RBFOX1: variants seen among roughly 807,000 people sequenced by gnomAD.
RBFOX1 encodes RNA binding fox-1 homolog 1, also known as RNA binding protein fox-1 homolog 1.
In RBFOX1, 8 loss-of-function variants were observed where a neutral mutation model predicts 57.7. The observed-to-expected ratio is 0.14, with a 90% CI of 0.08 to 0.25. The LOEUF (loss-of-function observed/expected upper bound fraction) is 0.25. Among genes scored for constraint, RBFOX1 ranks in the 10% least tolerant of loss-of-function variants. The pLI, the probability that RBFOX1 is intolerant of heterozygous loss-of-function variation, is 1.00. For missense variants in RBFOX1, 611 were observed against 548.5 expected, an observed-to-expected ratio of 1.11 and a Z score of -1.14; for synonymous variants, 326 against 222.4, an observed-to-expected ratio of 1.47 and a Z score of -4.15.
intron 3 of RBFOX1, among the ~76,000 whole-genome samples, chr16:5,706,748 G>C (rs2051263107): frequency 6.6e-6 from 1 of 152,194 alleles, no homozygotes; most frequent in South Asian, 2.1e-4. Flanking sequence ...GTTGATGGTT[G>C]ATTTGTCTCC....
chr16:6,128,535 C>G (rs1376986850), intron 1 of RBFOX1, among the ~76,000 whole-genome samples: 1 of 152,174 alleles, frequency 6.6e-6, no homozygotes, highest in African/African-American at 2.4e-5. Context: ...TGCTGCAAGG[C>G]AGGTAGTTGG....
chr16:7,671,686 G>T (rs2071491585), intron 13 of RBFOX1: 3 of 1,237,624 alleles, frequency 2.4e-6, no homozygotes, highest in Non-Finnish European at 3.6e-6. Flanking sequence ...TTCTGGGGAG[G>T]GGAACAGTTC....
At chr16:7,135,323 G>A (rs967784946) in intron 4 of RBFOX1, among the ~76,000 whole-genome samples, 2 of 152,210 alleles carry the variant, frequency 1.3e-5, no homozygotes, top group Non-Finnish European at 2.9e-5. Context: ...TTGTTTGCAA[G>A]AGGAAATTTG....
At chr16:7,228,754 A>T (rs2093309376) in intron 4 of RBFOX1, among the ~76,000 whole-genome samples, 1 of 152,226 alleles carries the variant, frequency 6.6e-6, no homozygotes. Context: ...CAAGAGGTTA[A>T]GTGAATTTGA....
chr16:5,960,930 A>G (rs1347215350), intron 4 of RBFOX1, among the ~76,000 whole-genome samples: 1 of 152,180 alleles, frequency 6.6e-6, no homozygotes, highest in Non-Finnish European at 1.5e-5. Flanking sequence ...TGGAACCGCA[A>G]TTGTGGTCAA....
chr16:6,285,279 C>A (rs1022318261), intron 1 of RBFOX1, among the ~76,000 whole-genome samples: 2 of 151,980 alleles, frequency 1.3e-5, no homozygotes, highest in Admixed American at 6.6e-5. Flanking sequence ...ATGACAAAGG[C>A]ATTTGATTAG....
chr16:6,444,201 G>A (rs1428329234), intron 2 of RBFOX1, among the ~76,000 whole-genome samples: 2 of 152,066 alleles, frequency 1.3e-5, no homozygotes, highest in African/African-American at 4.8e-5. Flanking sequence ...CACTGGGCAG[G>A]TTGTAAATAC....
intron 4 of RBFOX1, among the ~76,000 whole-genome samples, chr16:7,221,749 A>G (rs748879313): frequency 3.0e-4 from 45 of 152,306 alleles, no homozygotes; most frequent in Admixed American, 1.4e-3. Context: ...TGGTTATTCA[A>G]TGGCCATCAA....
chr16:6,277,048 C>T (rs1171782776), intron 1 of RBFOX1, among the ~76,000 whole-genome samples: 1 of 152,130 alleles, frequency 6.6e-6, no homozygotes, highest in Non-Finnish European at 1.5e-5. Context: ...CTTAACCGGA[C>T]ATGGGTTATC....
intron 1 of RBFOX1, among the ~76,000 whole-genome samples, chr16:5,309,697 A>G (rs1049401435): frequency 3.3e-5 from 5 of 152,082 alleles, no homozygotes; most frequent in African/African-American, 1.2e-4. Context: ...TGGTTTGGTA[A>G]TGTCATTTAG....
chr16:6,529,296 C>A (rs188916157), intron 2 of RBFOX1, among the ~76,000 whole-genome samples: 130 of 152,254 alleles, frequency 8.5e-4, no homozygotes, highest in Admixed American at 6.6e-3. Context: ...GGCACGGTGG[C>A]TCATGCCTGT....
intron 3 of RBFOX1, among the ~76,000 whole-genome samples, chr16:5,647,580 T>C (rs2049094856): frequency 6.6e-6 from 1 of 152,158 alleles, no homozygotes; most frequent in Non-Finnish European, 1.5e-5. Flanking sequence ...CTCTTCTCCT[T>C]TCCCTTTCCC....
intron 3 of RBFOX1, among the ~76,000 whole-genome samples, chr16:7,049,104 T>A (rs1183777885): frequency 6.6e-6 from 1 of 152,072 alleles, no homozygotes; most frequent in Non-Finnish European, 1.5e-5. Flanking sequence ...TGTTTGGGGG[T>A]GATTTTCCCA....
At chr16:6,719,798 A>G (rs1460249879) in intron 3 of RBFOX1, among the ~76,000 whole-genome samples, 1 of 152,006 alleles carries the variant, frequency 6.6e-6, no homozygotes, top group Non-Finnish European at 1.5e-5. Flanking sequence ...TGCATATTAA[A>G]TGACATAATG....
At chr16:7,503,018 G>A (rs2071507327) in intron 4 of RBFOX1, among the ~76,000 whole-genome samples, 1 of 151,998 alleles carries the variant, frequency 6.6e-6, no homozygotes, top group African/African-American at 2.4e-5. Flanking sequence ...GCAAGACTCT[G>A]TCTCAAAAAA....
chr16:7,660,011 T>TAATACCTAAAATAAACC (rs2067300181), intron 12 of RBFOX1, among the ~76,000 whole-genome samples: 1 of 152,182 alleles, frequency 6.6e-6, no homozygotes, highest in South Asian at 2.1e-4. Flanking sequence ...TTTGAACACC[T>TAATACCTAAAATAAACC]TAAAAAGTTT....
intron 3 of RBFOX1, among the ~76,000 whole-genome samples, chr16:7,040,768 A>G (rs1018922808): frequency 6.6e-6 from 1 of 152,266 alleles, no homozygotes. Context: ...TGTCATAGAC[A>G]TCATTCCTGA....
rs116595068 is a variant in RBFOX1 at position 6,669,652 on chromosome 16, G to A, written c.-16+15002G>A. Among the ~76,000 whole-genome samples, 10 of 152,054 alleles carry A rather than the reference G, an allele frequency of 6.6e-5. No individual in the cohort carries two copies. The South Asian group carries it at 8.3e-4, about 13-fold the overall frequency. On this transcript the variant is annotated intron_variant, in intron 3 of 15. Coordinates refer to ENST00000550418, the MANE Select transcript of RBFOX1 (RefSeq NM_018723.4). ...TTTTCTTTTGTTTCTTTTCTTTTGC[G>A]TGTGTGTTTGAGTGTGGTGAGAACA...
At position 6,889,068 on chromosome 16, in the gene RBFOX1, T is replaced by C. The variant is rs142658500; in HGVS notation, c.-15-162989T>C. Among the ~76,000 whole-genome samples the C allele has an allele frequency of 3.3e-3, 498 of 152,286 alleles. 3 individuals carry two copies. Among genetic ancestry groups the C allele is most frequent in the African/African-American group, 0.011 (457 of 41,564 alleles). On this transcript the variant is annotated intron_variant, in intron 3 of 15. Transcript: ENST00000550418. ...AAATTTGATTGTATTTTTTCCCTTA[T>C]AGACACGGGTTGGTTAGAGGGATAT...
Sources: allele counts gnomAD v4.1 joint callset (sites outside exome capture counted in the v4.1 genomes callset), GRCh38; gene constraint gnomAD v4.1.1; transcripts MANE v1.5; gene names NCBI Gene and HGNC (gene_info 2026-07-23, HGNC 2026-07-21).